The following BICD1 variants were observed in gnomAD, a reference collection of about 807,000 sequenced individuals.
The protein encoded by BICD1 is protein bicaudal D homolog 1.
Under a neutral mutation model 92.5 loss-of-function variants are expected in BICD1, and 35 were observed. That is an observed-to-expected ratio of 0.38 (90% confidence interval 0.29 to 0.50). BICD1 has a LOEUF of 0.50. BICD1 is among the 20% of genes least tolerant of loss of function. The probability of loss-of-function intolerance (pLI) is 0.93; values close to 1 mark genes in which losing one functional copy is unlikely to be tolerated. For missense variants in BICD1, 950 were observed against 1,189.8 expected (o/e 0.80, Z 2.97); for synonymous variants, 429 against 465.1 (o/e 0.92, Z 1.00).
At chr12:32,213,628 T>C (rs1218821916) in intron 1 of BICD1, among the ~76,000 whole-genome samples, 8 of 152,314 alleles carry the variant, frequency 5.3e-5, no homozygotes, top group Admixed American at 5.2e-4. Flanking sequence ...ACTCCTGACC[T>C]CAGATGATCT....
At position 32,117,760 on chromosome 12, in the gene BICD1, T is replaced by A. The variant is rs867078892; in HGVS notation, c.213+10216T>A. Among the ~76,000 whole-genome samples, 783 of 108,550 alleles carry A rather than the reference T, an allele frequency of 7.2e-3. 4 individuals are homozygous for A. The highest frequency in any genetic ancestry group is 0.019 in the African/African-American group (621 of 32,552). 71.2% of individuals were successfully genotyped at this position (108,550 alleles called of 152,430 possible). On this transcript the variant is annotated intron_variant, in intron 1 of 9. Transcript: ENST00000652176. ...CATATATATATATATATATATATAT[T>A]TTTTTTTAAGACCATATTTCGCTCT...
At chr12:32,246,871 G>A (rs1236674254) in intron 2 of BICD1, among the ~76,000 whole-genome samples, 5 of 152,110 alleles carry the variant, frequency 3.3e-5, no homozygotes, top group Non-Finnish European at 5.9e-5. Flanking sequence ...GTGCTGTCAT[G>A]TTGTAAAATG....
intron 2 of BICD1, among the ~76,000 whole-genome samples, chr12:32,225,630 T>G (rs1165005210): frequency 7.2e-6 from 1 of 139,212 alleles, no homozygotes; most frequent in Admixed American, 7.4e-5. Context: ...TGTTTTTTTT[T>G]TTTTTTTTTT....
chr12:32,195,990 A>G (rs918609694), intron 1 of BICD1, among the ~76,000 whole-genome samples: 4 of 152,234 alleles, frequency 2.6e-5, no homozygotes, highest in East Asian at 1.9e-4. Context: ...AAGGACTTGA[A>G]TGGACATTTT....
At chr12:32,271,072 A>T (rs1036110566) in intron 2 of BICD1, among the ~76,000 whole-genome samples, 1 of 152,136 alleles carries the variant, frequency 6.6e-6, no homozygotes, top group African/African-American at 2.4e-5. Context: ...ACTTTCCAAA[A>T]TTCTTTCCCA....
chr12:32,157,821 T>C (rs755737608), intron 1 of BICD1, among the ~76,000 whole-genome samples: 7 of 152,208 alleles, frequency 4.6e-5, no homozygotes, highest in Non-Finnish European at 8.8e-5. Context: ...TGCAGTGTGC[T>C]GATGGTTGGA....
intron 1 of BICD1, among the ~76,000 whole-genome samples, chr12:32,117,526 T>C (rs1256876494): frequency 6.6e-6 from 1 of 152,026 alleles, no homozygotes; most frequent in Non-Finnish European, 1.5e-5. Context: ...TTAAGATGAG[T>C]GTATCTCTAA....
Position 32,116,516 on chromosome 12 carries a change from A to C in BICD1, c.213+8972A>C, listed in dbSNP as rs543630946. On this transcript the variant is annotated intron_variant, in intron 1 of 9. Transcript: ENST00000652176. ...TTTCTCTCTCTCTCTCTCTCTATAT[A>C]TATATATATATATGTAATTTTGAGA... Among the ~76,000 whole-genome samples, 522 of 134,570 alleles carry C rather than the reference A, an allele frequency of 3.9e-3. 3 individuals are homozygous for C. The highest frequency in any genetic ancestry group is 0.012 in the African/African-American group (413 of 35,794). 88.3% of individuals were successfully genotyped at this position (134,570 alleles called of 152,430 possible).
At chr12:32,153,448 T>G (rs890513770) in intron 1 of BICD1, among the ~76,000 whole-genome samples, 2 of 152,286 alleles carry the variant, frequency 1.3e-5, no homozygotes, top group Admixed American at 1.3e-4. Context: ...GAAACTATTC[T>G]TGTTAAGTGA....
At chr12:32,236,872 C>CTTT (rs57318640) in intron 2 of BICD1, among the ~76,000 whole-genome samples, 47 of 89,292 alleles carry the variant, frequency 5.3e-4, no homozygotes, top group East Asian at 7.6e-4. Flanking sequence ...AAGTCTAATT[C>CTTT]TTTTTTTTTT....
At chr12:32,325,147 GTTT>G (rs57917790) in intron 4 of BICD1, among the ~76,000 whole-genome samples, 142 of 150,056 alleles carry the variant, frequency 9.5e-4, no homozygotes, top group African/African-American at 3.4e-3. Context: ...CTCCATTTAT[GTTT>G]TTTTTTTTTC....
At chr12:32,257,701 A>G (rs1228182385) in intron 2 of BICD1, among the ~76,000 whole-genome samples, 5 of 152,218 alleles carry the variant, frequency 3.3e-5, no homozygotes, top group African/African-American at 4.8e-5. Context: ...TCACAGCAGC[A>G]CTGTTTGTAA....
At position 32,327,555 on chromosome 12, in the gene BICD1, G is replaced by T. The variant is rs142187819; in HGVS notation, c.1100G>T (p.Arg367Leu). The T allele has an allele frequency of 6.2e-7, 1 of 1,614,130 alleles. No individual in the cohort carries two copies. ...GGGGCACTGACGGAGCAGCATGAGC[G>T]GGTGCACCGGCTCACAGAGCACGTC... ...TKGALTEQHE[R>L]VHRLTEHVNA... Residue 367 changes from arginine (R) to leucine (L), a missense_variant, in exon 5 of 10, where the codon CGG (arginine) becomes CTG (leucine). By Grantham distance (102) the Arg-to-Leu change is moderately radical. This residue lies in a region of BICD1 where 246 missense variants were observed against 258.4 expected (regional missense o/e 0.95). Coordinates refer to ENST00000652176, the MANE Select transcript of BICD1 (RefSeq NM_001714.4).
chr12:32,211,486 T>G (rs895528268), intron 1 of BICD1, among the ~76,000 whole-genome samples: 1 of 152,180 alleles, frequency 6.6e-6, no homozygotes, highest in Admixed American at 6.5e-5. Context: ...CAGAGTACAA[T>G]TTTTGAAAAC....
At chr12:32,198,929 C>A (rs1944818072) in intron 1 of BICD1, among the ~76,000 whole-genome samples, 1 of 152,122 alleles carries the variant, frequency 6.6e-6, no homozygotes, top group Non-Finnish European at 1.5e-5. Flanking sequence ...AAGCTGTTGA[C>A]TTTTGCATTT....
In BICD1 at chr12:32,130,875, T is replaced by A. The variant is rs185735592; in HGVS notation, c.213+23331T>A. Among the ~76,000 whole-genome samples, 3 of 152,296 alleles carry A rather than the reference T, an allele frequency of 2.0e-5. No individual in the cohort carries two copies. The East Asian group carries it at 5.8e-4, about 29-fold the overall frequency. On this transcript the variant is annotated intron_variant, in intron 1 of 9. Coordinates refer to ENST00000652176, the MANE Select transcript of BICD1 (RefSeq NM_001714.4). Reference sequence around the variant, plus strand: ...TTTATTTAGATGGAGTCTATTTCTGTCGCCCAGGTTGGAGTTCAGTGGTGT... The same window carrying A: ...TTTATTTAGATGGAGTCTATTTCTGACGCCCAGGTTGGAGTTCAGTGGTGT...
intron 8 of BICD1, 25 bp downstream of exon 8, chr12:32,339,004 T>A: frequency 6.4e-7 from 1 of 1,574,118 alleles, no homozygotes; most frequent in Non-Finnish European, 8.6e-7. Context: ...CTTGGGTGCA[T>A]GTGATGCAAA....
chr12:32,306,083 C>A lies in BICD1; in HGVS notation c.966C>A (p.Asn322Lys). The change falls in exon 4 of 10, where the codon AAC (asparagine) becomes AAA (lysine). Residue 322 changes from asparagine to lysine, a missense_variant. By Grantham distance (94) the Asn-to-Lys change is moderately conservative. Around this residue, in one of 5 missense-constraint regions of BICD1, gnomAD observed 246 missense variants for 258.4 expected, o/e 0.95. Transcript: ENST00000652176. ...TCTCTGACTTATTCAGTGAGCTGAA[C>A]ATTTCAGAAATACAGAAGTTGAAGC... ...NPVSDLFSEL[N>K]ISEIQKLKQQ... The A allele has an allele frequency of 6.2e-7, 1 of 1,608,788 alleles. No homozygotes were observed. The highest frequency in any genetic ancestry group is 8.5e-7 in the Non-Finnish European group (1 of 1,178,512).
At chr12:32,154,716 A>G (rs1943390585) in intron 1 of BICD1, among the ~76,000 whole-genome samples, 1 of 152,136 alleles carries the variant, frequency 6.6e-6, no homozygotes, top group Admixed American at 6.6e-5. Context: ...CCAATACTTG[A>G]CTATATATTG....
Sources: allele counts gnomAD v4.1 joint callset (sites outside exome capture counted in the v4.1 genomes callset), GRCh38; gene constraint gnomAD v4.1.1; regional missense constraint gnomAD v4.1.1; transcripts MANE v1.5; gene names NCBI Gene and HGNC (gene_info 2026-07-23, HGNC 2026-07-21).